The following RNASE4 variants were observed in gnomAD, a reference collection of about 807,000 sequenced individuals.
The protein encoded by RNASE4 is ribonuclease 4.
For synonymous variants in RNASE4, 93 were observed against 71.4 expected (o/e 1.30, Z -1.52); for missense variants, 194 against 192.8 (o/e 1.01, Z -0.04).
chr14:20,693,962 A>G, intron 1 of RNASE4: 1 of 1,613,980 alleles, frequency 6.2e-7, no homozygotes, highest in Non-Finnish European at 8.5e-7. Context: ...GCTTGTGAAA[A>G]TGGCTTACCT....
rs1887246909 is a variant in RNASE4, at chr14:20,700,142, T to C, written c.*327T>C. ...ATTTCAAAATGCTTTCATCTATGTT[T>C]ATCACATTTTAATACCACAGCACTT... On this transcript the variant is annotated 3_prime_UTR_variant, in exon 2 of 2. Coordinates refer to ENST00000555835, the MANE Select transcript of RNASE4 (RefSeq NM_002937.5). 2 of 261,388 alleles carry C rather than the reference T, an allele frequency of 7.7e-6. No individual in the cohort carries two copies. The highest frequency in any genetic ancestry group is 1.4e-4 in the South Asian group (2 of 14,204). 16.2% of individuals were successfully genotyped at this position (261,388 alleles called of 1,614,324 possible).
chr14:20,698,377 A>G (rs1199500315), intron 1 of RNASE4, among the ~76,000 whole-genome samples: 1 of 152,234 alleles, frequency 6.6e-6, no homozygotes, highest in African/African-American at 2.4e-5. Context: ...AGAAACAGCA[A>G]GGAGAAGAAG....
At chr14:20,697,758 A>G (rs564992442) in intron 1 of RNASE4, among the ~76,000 whole-genome samples, 1 of 152,342 alleles carries the variant, frequency 6.6e-6, no homozygotes, top group African/African-American at 2.4e-5. Context: ...CTGCACATAC[A>G]GAGTTGGGCT....
Position 20,700,733 on chromosome 14 carries a change from CAGA to C in RNASE4, c.*922_*924del, listed in dbSNP as rs1257738540. ...GCCTATCAGATCCATGACCACAACA[CAGA>C]AGATTTGTCTCATTTACTCCAGAGA... On this transcript the variant is annotated 3_prime_UTR_variant, in exon 2 of 2. Transcript: ENST00000555835. 3 of 165,222 alleles carry C rather than the reference CAGA, an allele frequency of 1.8e-5. No homozygotes were observed. Among genetic ancestry groups the C allele is most frequent in the African/African-American group, 7.2e-5 (3 of 41,418 alleles). The allele number at this position is 165,222 out of a possible 1,614,324, so 10.2% of individuals were successfully genotyped here. A position where few individuals can be genotyped will look rare whatever the true frequency, so the allele number is the denominator to read the frequency against.
intron 1 of RNASE4, among the ~76,000 whole-genome samples, chr14:20,687,033 A>G (rs938064623): frequency 3.3e-5 from 5 of 152,228 alleles, no homozygotes; most frequent in Non-Finnish European, 7.3e-5. Context: ...ATGACTTTCA[A>G]GTTAAAGCTG....
rs568909998 is a variant in RNASE4, at chr14:20,684,730, C to G, written c.-46C>G. 3.9e-5 allele frequency: 6 copies of G among 152,640 alleles called. No individual in the cohort carries two copies. The highest frequency in any genetic ancestry group is 1.2e-4 in the African/African-American group (5 of 41,566). 9.5% of individuals were successfully genotyped at this position (152,640 alleles called of 1,614,324 possible). On this transcript the variant is annotated 5_prime_UTR_variant, in exon 1 of 2. Transcript: ENST00000555835. ...CAAAACTTCTTTCCATTGTCCTGCCCGTTTCTGCGGACTTGTTCTGAGGCC... is the reference window on the plus strand; with the variant it reads ...CAAAACTTCTTTCCATTGTCCTGCCGGTTTCTGCGGACTTGTTCTGAGGCC...
chr14:20,689,807 T>C (rs1371704690), intron 1 of RNASE4, among the ~76,000 whole-genome samples: 2 of 151,186 alleles, frequency 1.3e-5, no homozygotes, highest in African/African-American at 2.4e-5. Flanking sequence ...TCCCAGCTAC[T>C]TGGGAGGCTG....
At chr14:20,688,743 A>T in intron 1 of RNASE4, 1 of 984,856 alleles carries the variant, frequency 1.0e-6, no homozygotes, top group Non-Finnish European at 1.2e-6. Context: ...ATATATTAGG[A>T]ACACTATATA....
chr14:20,692,951 C>T (rs994110445), intron 1 of RNASE4, among the ~76,000 whole-genome samples: 5 of 152,024 alleles, frequency 3.3e-5, no homozygotes, highest in African/African-American at 1.2e-4. Context: ...GGGTTCACGC[C>T]ATTCTCCTGC....
At chr14:20,692,403 G>C (rs187214991) in intron 1 of RNASE4, among the ~76,000 whole-genome samples, 150 of 152,290 alleles carry the variant, frequency 9.8e-4, no homozygotes, top group Middle Eastern at 3.4e-3. Flanking sequence ...GAAGCCTGTC[G>C]TAAACAATTT....
chr14:20,693,521 A>G (rs778121390), intron 1 of RNASE4: 1 of 1,607,162 alleles, frequency 6.2e-7, no homozygotes, highest in South Asian at 1.1e-5. Flanking sequence ...TCTTGGGTCT[A>G]CCACACCTCC....
chr14:20,690,170 G>C (rs1886654455), intron 1 of RNASE4, among the ~76,000 whole-genome samples: 1 of 126,406 alleles, frequency 7.9e-6, no homozygotes, highest in Non-Finnish European at 1.6e-5. Context: ...AGCCGAGATT[G>C]CGCCACTGCA....
Position 20,692,973 on chromosome 14 carries a change from G to C in RNASE4, c.-17-6382G>C, listed in dbSNP as rs7143451. Among the ~76,000 whole-genome samples the C allele has an allele frequency of 8.3e-4, 126 of 151,460 alleles. 2 individuals are homozygous for C. The East Asian group carries it at 0.019, about 23-fold the overall frequency. ...CGCCATTCTCCTGCCTCAGCCTCCC[G>C]AGTAGCTGGGACTACAGGCGCCCGC... is the stretch of plus-strand genomic sequence containing the variant. On this transcript the variant is annotated intron_variant, in intron 1 of 1. Coordinates refer to ENST00000555835, the MANE Select transcript of RNASE4 (RefSeq NM_002937.5).
chr14:20,692,934 G>T (rs901863681), intron 1 of RNASE4, among the ~76,000 whole-genome samples: 3 of 151,960 alleles, frequency 2.0e-5, no homozygotes, highest in Non-Finnish European at 4.4e-5. Flanking sequence ...TGCAAGCTCC[G>T]CCTCCCGGGT....
intron 1 of RNASE4, among the ~76,000 whole-genome samples, chr14:20,686,026 C>G (rs1046979146): frequency 1.5e-5 from 2 of 136,432 alleles, no homozygotes; most frequent in African/African-American, 5.8e-5. Flanking sequence ...GGTGACAGAG[C>G]AAGACTCCGT....
chr14:20,690,391 A>G (rs1566600089), intron 1 of RNASE4, among the ~76,000 whole-genome samples: 2 of 152,170 alleles, frequency 1.3e-5, no homozygotes, highest in African/African-American at 2.4e-5. Flanking sequence ...CCCTTGGCTT[A>G]GGCAGATTCA....
At chr14:20,693,426 A>C in intron 1 of RNASE4, 4 of 1,306,836 alleles carry the variant, frequency 3.1e-6, no homozygotes, top group Non-Finnish European at 4.3e-6. Flanking sequence ...TAGAATATAA[A>C]ATTTGGTGGT....
At chr14:20,685,508 TCCCA>T (rs1886381232) in intron 1 of RNASE4, among the ~76,000 whole-genome samples, 1 of 152,172 alleles carries the variant, frequency 6.6e-6, no homozygotes, top group Non-Finnish European at 1.5e-5. Context: ...AGGACCACCT[TCCCA>T]GAAGCAGCCT....
At chr14:20,692,484 TCC>T (rs1307095857) in intron 1 of RNASE4, among the ~76,000 whole-genome samples, 1 of 152,254 alleles carries the variant, frequency 6.6e-6, no homozygotes, top group Non-Finnish European at 1.5e-5. Flanking sequence ...CTGTGGCCTG[TCC>T]GCCTAAGCTC....
Sources: allele counts gnomAD v4.1 joint callset (sites outside exome capture counted in the v4.1 genomes callset), GRCh38; gene constraint gnomAD v4.1.1; transcripts MANE v1.5; gene names NCBI Gene and HGNC (gene_info 2026-07-23, HGNC 2026-07-21).